FBN1: variants seen among roughly 807,000 people sequenced by gnomAD.
FBN1 encodes fibrillin 1.
FBN1 carries 29 observed loss-of-function variants against 365.1 expected under a neutral mutation model. The observed-to-expected ratio is 0.08, with a 90% CI of 0.06 to 0.11. FBN1 has a LOEUF of 0.11. Among genes scored for constraint, FBN1 ranks in the 10% least tolerant of loss-of-function variants. The probability of loss-of-function intolerance (pLI) is 1.00; values close to 1 mark genes in which losing one functional copy is unlikely to be tolerated. For synonymous variants in FBN1, 1,210 were observed against 1,270.5 expected (o/e 0.95, Z 1.01); for missense variants, 2,476 against 3,703.2 (o/e 0.67, Z 8.60).
At chr15:48,645,421 G>C (rs1393844178) in intron 1 of FBN1, among the ~76,000 whole-genome samples, 154 bp downstream of exon 1, 8 of 152,250 alleles carry the variant, frequency 5.3e-5, no homozygotes, top group Non-Finnish European at 8.8e-5. Context: ...TGTCAGGCAG[G>C]GGAGGGCCAG....
In FBN1 at chr15:48,526,143, A is replaced by T. The variant is rs1259315716; in HGVS notation, c.975T>A (p.Gly325=). Residue 325 remains glycine (G), a synonymous_variant, in exon 9 of 66, where the codon GGT becomes GGA. Transcript: ENST00000316623. The part of the protein sequence containing the change: ...CPPGFYTSPD[G]TRCIDVRPGY... ...CATTAAACCTACCTATGCATCTGGT[A>T]CCATCTGGAGAGGTGTAAAAACCAG... The T allele has an allele frequency of 6.2e-7, 1 of 1,614,176 alleles. No homozygotes were observed. Among genetic ancestry groups the T allele is most frequent in the Admixed American group, 1.7e-5 (1 of 60,028 alleles).
intron 32 of FBN1, among the ~76,000 whole-genome samples, chr15:48,479,846 T>C (rs1431623863): frequency 6.6e-6 from 1 of 152,296 alleles, no homozygotes; most frequent in South Asian, 2.1e-4. Context: ...CAGTAAACAG[T>C]AGCATAAAAT....
chr15:48,437,612 C>A, intron 51 of FBN1, 156 bp downstream of exon 51: 1 of 910,608 alleles, frequency 1.1e-6, no homozygotes, highest in Admixed American at 2.3e-5. Flanking sequence ...AAATAACTAC[C>A]AAGCTCCTGA....
At chr15:48,449,003 G>A in intron 45 of FBN1, 110 bp from the exon 46 acceptor site, 2 of 868,244 alleles carry the variant, frequency 2.3e-6, no homozygotes, top group Non-Finnish European at 3.8e-6. Context: ...CTAAGTTAGT[G>A]AAACAGATAT....
intron 54 of FBN1, among the ~76,000 whole-genome samples, chr15:48,434,074 C>T (rs966399326): frequency 6.6e-6 from 1 of 152,320 alleles, no homozygotes; most frequent in South Asian, 2.1e-4. Context: ...CACTCCCTCC[C>T]TTTCCTTCTT....
chr15:48,446,951 G>C (rs2043164931), intron 46 of FBN1, 129 bp from the exon 47 acceptor site: 1 of 681,492 alleles, frequency 1.5e-6, no homozygotes, highest in Non-Finnish European at 2.7e-6. Context: ...CTTGATGTTG[G>C]TATCAGCTCC....
chr15:48,520,342 T>C (rs1338680900), intron 10 of FBN1, among the ~76,000 whole-genome samples: 3 of 152,166 alleles, frequency 2.0e-5, no homozygotes, highest in African/African-American at 7.2e-5. Context: ...AAGCTGAGTT[T>C]TACTCTACTG....
chr15:48,597,553 C>G (rs1230263093), intron 5 of FBN1, among the ~76,000 whole-genome samples: 1 of 152,188 alleles, frequency 6.6e-6, no homozygotes, highest in Non-Finnish European at 1.5e-5. Flanking sequence ...GTCTGAAGAC[C>G]ATTCCCTCCT....
chr15:48,535,427 C>G (rs2044005671), intron 7 of FBN1, among the ~76,000 whole-genome samples: 2 of 152,190 alleles, frequency 1.3e-5, no homozygotes, highest in Non-Finnish European at 2.9e-5. Context: ...TATTAACCTT[C>G]CAGGAGCAAA....
intron 19 of FBN1, among the ~76,000 whole-genome samples, chr15:48,496,901 G>A (rs1329154437): frequency 1.3e-5 from 2 of 152,124 alleles, no homozygotes; most frequent in African/African-American, 4.8e-5. Context: ...TAAATGGTTG[G>A]GAGAAGAGCT....
chr15:48,411,579 T>G (rs1481173735), intron 65 of FBN1, among the ~76,000 whole-genome samples, 200 bp from the exon 66 acceptor site: 1 of 152,244 alleles, frequency 6.6e-6, no homozygotes, highest in East Asian at 1.9e-4. Context: ...TTAACTGATG[T>G]CAGGAAGAAA....
chr15:48,474,206 C>T (rs1353543307), intron 34 of FBN1, 49 bp downstream of exon 34: 2 of 1,613,266 alleles, frequency 1.2e-6, no homozygotes, highest in Non-Finnish European at 1.7e-6. Flanking sequence ...TGTGGAATGC[C>T]TGGCTTCTCT....
intron 9 of FBN1, among the ~76,000 whole-genome samples, chr15:48,524,331 C>T (rs2043889149): frequency 6.6e-6 from 1 of 152,218 alleles, no homozygotes; most frequent in African/African-American, 2.4e-5. Flanking sequence ...ACGGAAGATA[C>T]TGCATACCAC....
rs771786623 is a variant in FBN1 at position 48,437,862 on chromosome 15, G to C, written c.6219C>G (p.Pro2073=). 1 of 1,613,854 alleles carries C rather than the reference G, an allele frequency of 6.2e-7. No individual in the cohort carries two copies. The highest frequency in any genetic ancestry group is 1.1e-5 in the South Asian group (1 of 91,076). ...CCTGCTTGGAGTGATTTCTGGATTT[G>C]GGTGATGAACACTTTCCTCCTTCAA... ...AKFEGGKCSS[P]KSRNHSKQEC... is the part of the protein sequence containing the mutation. Residue 2073 remains proline, a synonymous_variant, in exon 51 of 66, where the codon CCC becomes CCG. Coordinates refer to ENST00000316623, the MANE Select transcript of FBN1 (RefSeq NM_000138.5).
At chr15:48,467,765 G>A (rs1485463044) in intron 38 of FBN1, among the ~76,000 whole-genome samples, 173 bp downstream of exon 38, 2 of 151,946 alleles carry the variant, frequency 1.3e-5, no homozygotes, top group Non-Finnish European at 2.9e-5. Context: ...CTTTTAGTGT[G>A]AGCCAACCAG....
intron 23 of FBN1, 23 bp from the exon 24 acceptor site, chr15:48,492,609 A>C (rs1157970448): frequency 6.8e-7 from 1 of 1,467,402 alleles, no homozygotes. Context: ...AAAAAGTATA[A>C]AGTTAATATA....
At chr15:48,603,247 T>C (rs1162269053) in intron 4 of FBN1, among the ~76,000 whole-genome samples, 1 of 152,182 alleles carries the variant, frequency 6.6e-6, no homozygotes, top group Non-Finnish European at 1.5e-5. Flanking sequence ...TTCAGACTTG[T>C]GAAACAAGAA....
At chr15:48,593,803 G>A (rs2044497427) in intron 6 of FBN1, among the ~76,000 whole-genome samples, 1 of 152,136 alleles carries the variant, frequency 6.6e-6, no homozygotes, top group South Asian at 2.1e-4. Context: ...TGCAGTAAAT[G>A]CTATAAAAAG....
chr15:48,478,997 T>C (rs1335927693), intron 32 of FBN1, among the ~76,000 whole-genome samples: 1 of 152,258 alleles, frequency 6.6e-6, no homozygotes, highest in Non-Finnish European at 1.5e-5. Context: ...TTCATAATTC[T>C]TTTCATTAAA....
Sources: allele counts gnomAD v4.1 joint callset (sites outside exome capture counted in the v4.1 genomes callset), GRCh38; gene constraint gnomAD v4.1.1; transcripts MANE v1.5; gene names NCBI Gene and HGNC (gene_info 2026-07-23, HGNC 2026-07-21).